Variants in CPVL observed in about 807,000 individuals in gnomAD.
The protein encoded by CPVL is carboxypeptidase vitellogenic like.
Under a neutral mutation model 63.7 loss-of-function variants are expected in CPVL, and 51 were observed. That is an observed-to-expected ratio of 0.80 (90% confidence interval 0.64 to 1.01). The LOEUF (loss-of-function observed/expected upper bound fraction) is 1.01, where lower values mean the gene tolerates loss of function less well. Ranked by LOEUF, CPVL falls within the 50% of genes least tolerant of loss-of-function variation. The pLI is 0.00. For synonymous variants in CPVL, 195 were observed against 206.0 expected (o/e 0.95, Z 0.46); for missense variants, 530 against 573.1 (o/e 0.92, Z 0.77).
intron 12 of CPVL, among the ~76,000 whole-genome samples, chr7:29,016,209 G>A (rs943108855): frequency 6.6e-6 from 1 of 152,064 alleles, no homozygotes; most frequent in South Asian, 2.1e-4. Flanking sequence ...AAATCAGCCA[G>A]ATGTGGTGGT....
chr7:29,169,861 C>CGT (rs71555785), intron 5 of CPVL, among the ~76,000 whole-genome samples: 4,409 of 147,900 alleles, frequency 0.03, 68 homozygotes, highest in Non-Finnish European at 0.043. Flanking sequence ...AGTATATATA[C>CGT]GTGTGTGTGT....
At chr7:29,027,325 A>G (rs979954121) in intron 12 of CPVL, among the ~76,000 whole-genome samples, 2 of 152,144 alleles carry the variant, frequency 1.3e-5, no homozygotes, top group African/African-American at 4.8e-5. Flanking sequence ...CAGGCATAGA[A>G]GGAACATACC....
intron 7 of CPVL, among the ~76,000 whole-genome samples, chr7:29,074,725 GCT>G (rs140532968): frequency 5.3e-4 from 78 of 145,924 alleles, no homozygotes; most frequent in Admixed American, 1.7e-3. Context: ...CCCTGCCCAT[GCT>G]CTCTCTCTCT....
chr7:29,050,020 T>C (rs1789990234), intron 11 of CPVL, among the ~76,000 whole-genome samples: 1 of 151,852 alleles, frequency 6.6e-6, no homozygotes, highest in Admixed American at 6.6e-5. Flanking sequence ...CATACCTCAA[T>C]GTAATAAAAG....
intron 12 of CPVL, among the ~76,000 whole-genome samples, chr7:28,997,376 A>G (rs1026031785): frequency 6.6e-6 from 1 of 152,226 alleles, no homozygotes. Context: ...ACTTGTCTCA[A>G]TCTGAAGGAA....
chr7:29,005,124 T>C (rs3913314), intron 12 of CPVL, among the ~76,000 whole-genome samples: 28,280 of 151,740 alleles, frequency 0.19, 2,876 homozygotes, highest in East Asian at 0.27. Context: ...GGTCTCAAAC[T>C]CCTGGGCTCA....
At chr7:29,018,922 G>T (rs375898392) in intron 12 of CPVL, among the ~76,000 whole-genome samples, 2 of 152,258 alleles carry the variant, frequency 1.3e-5, no homozygotes, top group African/African-American at 4.8e-5. Context: ...ACTTGTAAGG[G>T]TTTATGGTCA....
chr7:29,083,315 C>T (rs1784915576), intron 7 of CPVL, among the ~76,000 whole-genome samples: 1 of 152,234 alleles, frequency 6.6e-6, no homozygotes, highest in Non-Finnish European at 1.5e-5. Context: ...CTGGAGACCA[C>T]TCATTTCCAA....
intron 1 of CPVL, among the ~76,000 whole-genome samples, chr7:29,136,186 C>A (rs555690143): frequency 6.6e-6 from 1 of 152,242 alleles, no homozygotes; most frequent in South Asian, 2.1e-4. Flanking sequence ...AACTGACTAC[C>A]GCATGAGTTT....
At chr7:29,194,133 C>G (rs999834370) in intron 1 of CPVL, 1 of 152,862 alleles carries the variant, frequency 6.5e-6, no homozygotes, top group Non-Finnish European at 1.5e-5. Flanking sequence ...TCCCCCACCC[C>G]CACTGTCTCG....
intron 11 of CPVL, among the ~76,000 whole-genome samples, chr7:29,057,988 T>C (rs1054514160): frequency 1.3e-5 from 2 of 152,156 alleles, no homozygotes; most frequent in Non-Finnish European, 2.9e-5. Flanking sequence ...TCTTGTTCAA[T>C]GTTGTGTTGG....
intron 2 of CPVL, among the ~76,000 whole-genome samples, chr7:29,115,303 G>C (rs1379485761): frequency 6.6e-6 from 1 of 152,136 alleles, no homozygotes; most frequent in Non-Finnish European, 1.5e-5. Flanking sequence ...GTTCTCCCAG[G>C]GAAGATTGCT....
chr7:29,122,858 TTTC>T (rs1789518374), intron 1 of CPVL, among the ~76,000 whole-genome samples: 1 of 152,200 alleles, frequency 6.6e-6, no homozygotes, highest in African/African-American at 2.4e-5. Context: ...TTTTTGACAC[TTTC>T]TTAAGTTTTA....
chr7:28,995,490 A>G lies in CPVL; in HGVS notation c.*282T>C, dbSNP rs1260250350. The G allele has an allele frequency of 3.4e-6, 1 of 298,304 alleles. No individual in the cohort carries two copies. The highest frequency in any genetic ancestry group is 8.8e-5 in the East Asian group (1 of 11,428). 18.5% of individuals were successfully genotyped at this position (298,304 alleles called of 1,614,324 possible). On this transcript the variant is annotated 3_prime_UTR_variant, in exon 13 of 13. Transcript: ENST00000265394. Reference sequence around the variant, plus strand: ...AAGAAATTAAAACTTCCTATTCAAGACCCTAAAATTTCATTTATACATCTT... The same window carrying G: ...AAGAAATTAAAACTTCCTATTCAAGGCCCTAAAATTTCATTTATACATCTT...
chr7:29,080,591 T>C (rs929900375), intron 7 of CPVL, among the ~76,000 whole-genome samples: 2 of 149,402 alleles, frequency 1.3e-5, no homozygotes, highest in South Asian at 4.2e-4. Flanking sequence ...GGTGAAAAGA[T>C]GCAGGAAATA....
At chr7:29,017,989 T>C (rs1786582045) in intron 12 of CPVL, among the ~76,000 whole-genome samples, 1 of 152,214 alleles carries the variant, frequency 6.6e-6, no homozygotes. Flanking sequence ...ATTCCAGCCA[T>C]TAAATACAAC....
chr7:29,052,035 C>T (rs1400256519), intron 11 of CPVL, among the ~76,000 whole-genome samples: 2 of 151,388 alleles, frequency 1.3e-5, no homozygotes, highest in African/African-American at 2.4e-5. Context: ...GACTATCAAG[C>T]GAAGTAACTC....
intron 12 of CPVL, among the ~76,000 whole-genome samples, chr7:29,004,298 G>A (rs771719181): frequency 2.6e-5 from 4 of 152,084 alleles, no homozygotes; most frequent in African/African-American, 4.8e-5. Flanking sequence ...CTTGTGATAC[G>A]TTCCTTCCTT....
rs1285703103 is a variant in CPVL, at chr7:29,092,778, T to G, written c.463-76A>C. ...AGGGACCTGCAGAGAGGTCCCACACTGGAAGGTGACCTTGTTCCAAAGGCC... is the reference window on the plus strand; with the variant it reads ...AGGGACCTGCAGAGAGGTCCCACACGGGAAGGTGACCTTGTTCCAAAGGCC... On this transcript the variant is annotated intron_variant, in intron 5 of 12. Transcript: ENST00000265394. 4 of 1,035,890 alleles carry G rather than the reference T, an allele frequency of 3.9e-6. No homozygotes were observed. The East Asian group carries it at 9.8e-5, about 25-fold the overall frequency. 64.2% of individuals were successfully genotyped at this position (1,035,890 alleles called of 1,614,324 possible). A position where few individuals can be genotyped will look rare whatever the true frequency, so the allele number is the denominator to read the frequency against.
Sources: gnomAD v4.1 joint callset for allele counts (sites outside exome capture counted in the v4.1 genomes callset) on GRCh38, gnomAD v4.1.1 for gene constraint, MANE v1.5 for transcripts, NCBI Gene and HGNC (gene_info 2026-07-23, HGNC 2026-07-21) for gene names.